ATP2C2: variants seen among roughly 807,000 people sequenced by gnomAD.
The protein encoded by ATP2C2 is ATPase secretory pathway Ca2+ transporting 2.
A neutral mutation model predicts 110.8 loss-of-function variants in ATP2C2; 171 were observed. The observed-to-expected ratio is 1.54, with a 90% CI of 1.36 to 1.75. ATP2C2 has a LOEUF of 1.75. ATP2C2 is among the 40% of genes most tolerant of loss of function. The probability of loss-of-function intolerance (pLI) is 0.00; values close to 1 mark genes in which losing one functional copy is unlikely to be tolerated. For synonymous variants in ATP2C2, 804 were observed against 508.4 expected (o/e 1.58, Z -7.82); for missense variants, 1,963 against 1,235.0 (o/e 1.59, Z -8.84).
chr16:84,451,937 T>C lies in ATP2C2; in HGVS notation c.1677T>C (p.Ser559=), dbSNP rs1300999032. ...SLGLRVLALA[S]GPELGRLTFL... is the part of the protein sequence containing the mutation. ...TCTCCTCAGTGCTGGCCCTGGCTTCTGGGCCCGAGCTGGGGCGGCTGACGT... is the reference window on the plus strand; with the variant it reads ...TCTCCTCAGTGCTGGCCCTGGCTTCCGGGCCCGAGCTGGGGCGGCTGACGT... Residue 559 remains serine (S), a synonymous_variant, in exon 18 of 27, where the codon TCT becomes TCC. Coordinates refer to ENST00000262429, the MANE Select transcript of ATP2C2 (RefSeq NM_014861.4). 1.9e-6 allele frequency: 3 copies of C among 1,613,968 alleles called. No individual in the cohort carries two copies. Among genetic ancestry groups the C allele is most frequent in the Non-Finnish European group, 2.5e-6 (3 of 1,179,976 alleles).
intron 1 of ATP2C2, among the ~76,000 whole-genome samples, chr16:84,389,694 G>A (rs961091181): frequency 2.0e-5 from 3 of 150,544 alleles, no homozygotes; most frequent in African/African-American, 7.3e-5. Context: ...TGGGCTCTGT[G>A]CTGGGAACTT....
chr16:84,405,069 C>T (rs62640934), intron 2 of ATP2C2, 59 bp from the exon 3 acceptor site: 2 of 1,397,722 alleles, frequency 1.4e-6, no homozygotes, highest in Non-Finnish European at 2.0e-6. Flanking sequence ...AGTCTGTACC[C>T]TGTTGCCTCA....
rs112135612 is a variant in ATP2C2 at position 84,376,600 on chromosome 16, C to G, written c.99+7886C>G. On this transcript the variant is annotated intron_variant, in intron 1 of 26. Coordinates refer to ENST00000262429, the MANE Select transcript of ATP2C2 (RefSeq NM_014861.4). ...AGTGTATTTTATGTGTGGCCCAAGA[C>G]AATTCTTCTTCCAATGTGGCCCAGG... 4.0e-3 allele frequency among the ~76,000 whole-genome samples: 612 copies of G among 151,584 alleles called. 8 individuals carry two copies. The highest frequency in any genetic ancestry group is 0.014 in the African/African-American group (583 of 41,284).
chr16:84,454,597 T>G (rs1039639889), intron 20 of ATP2C2, among the ~76,000 whole-genome samples: 1 of 152,144 alleles, frequency 6.6e-6, no homozygotes. Context: ...ACAACAGCCC[T>G]GGGAAGAAGA....
At chr16:84,396,216 C>A (rs549247700) in intron 1 of ATP2C2, among the ~76,000 whole-genome samples, 2 of 120,074 alleles carry the variant, frequency 1.7e-5, no homozygotes. Context: ...TGTTTTCAAG[C>A]ATCGGGCGTG....
At chr16:84,405,372 C>CTGGGG in intron 3 of ATP2C2, 128 bp downstream of exon 3, 1 of 748,334 alleles carries the variant, frequency 1.3e-6, no homozygotes, top group Non-Finnish European at 2.2e-6. Flanking sequence ...GCTGCCCCAG[C>CTGGGG]CAGCCTGAGC....
chr16:84,439,226 G>A lies in ATP2C2; in HGVS notation c.1047G>A (p.Leu349=). 6.2e-7 allele frequency: 1 copy of A among 1,612,330 alleles called. No homozygotes were observed. The highest frequency in any genetic ancestry group is 2.2e-5 in the East Asian group (1 of 44,880). Reference sequence around the variant, plus strand: ...TCGTCGTCATGGTGACGCTGGTCCTGGGAGTGCTGCGGATGGCCAAGAAGC... The same window carrying A: ...TCGTCGTCATGGTGACGCTGGTCCTAGGAGTGCTGCGGATGGCCAAGAAGC... ...LPIVVMVTLV[L]GVLRMAKKRV... is the part of the protein sequence containing the mutation. The change falls in exon 12 of 27, where the codon CTG becomes CTA. Residue 349 remains leucine (L), a synonymous_variant. Coordinates refer to ENST00000262429, the MANE Select transcript of ATP2C2 (RefSeq NM_014861.4).
At chr16:84,444,675 C>A (rs1909583503) in intron 15 of ATP2C2, among the ~76,000 whole-genome samples, 1 of 152,226 alleles carries the variant, frequency 6.6e-6, no homozygotes, top group Admixed American at 6.5e-5. Context: ...CCATGTGTCA[C>A]CTTGCTTCCG....
In ATP2C2 at chr16:84,439,479, A is replaced by T. The variant is rs1413631261; in HGVS notation, c.1164A>T (p.Glu388Asp). The change falls in exon 13 of 27, where the codon GAA becomes GAT. Residue 388 changes from glutamate to aspartate, a missense_variant. Transcript: ENST00000262429. ...SDKTGTLTANEMTVTQLVTSD... is the reference protein window; with the variant it reads ...SDKTGTLTANDMTVTQLVTSD... Reference sequence around the variant, plus strand: ...AGACGGGGACTCTGACTGCCAATGAAATGACAGTGACCCAGCTTGTAACGT... The same window carrying T: ...AGACGGGGACTCTGACTGCCAATGATATGACAGTGACCCAGCTTGTAACGT... 1.2e-6 allele frequency: 2 copies of T among 1,614,130 alleles called. No homozygotes were observed. Among genetic ancestry groups the T allele is most frequent in the Admixed American group, 3.3e-5 (2 of 60,012 alleles).
chr16:84,413,919 G>T (rs927747975), intron 6 of ATP2C2, among the ~76,000 whole-genome samples: 3 of 152,174 alleles, frequency 2.0e-5, no homozygotes, highest in African/African-American at 7.2e-5. Flanking sequence ...GGCCTTTGGG[G>T]ACCTCACATT....
intron 1 of ATP2C2, among the ~76,000 whole-genome samples, chr16:84,372,165 G>A (rs1456959375): frequency 1.3e-5 from 2 of 152,116 alleles, no homozygotes; most frequent in Admixed American, 6.5e-5. Flanking sequence ...GAGCAGTGGG[G>A]GATCGTTGAA....
In ATP2C2 at chr16:84,412,375, C is replaced by T. The variant is rs561528732; in HGVS notation, c.515+1610C>T. ...GCGTGCGTGTGTGCATGTGTGTGTG[C>T]GTGTGTGTATATGTGTCTGTGTGTG... On this transcript the variant is annotated intron_variant, in intron 6 of 26. Transcript: ENST00000262429. Among the ~76,000 whole-genome samples the T allele has an allele frequency of 7.6e-3, 611 of 79,940 alleles. 5 individuals are homozygous for T. Among genetic ancestry groups the T allele is most frequent in the Middle Eastern group, 0.016 (2 of 122 alleles). The allele number at this position is 79,940 out of a possible 152,430, so 52.4% of individuals were successfully genotyped here.
intron 7 of ATP2C2, among the ~76,000 whole-genome samples, chr16:84,419,290 T>A (rs1172171722): frequency 6.8e-6 from 1 of 147,164 alleles, no homozygotes; most frequent in South Asian, 2.2e-4. Flanking sequence ...AGCTGTTTCC[T>A]GGCCTTTCCC....
chr16:84,442,470 C>A (rs774822442), intron 14 of ATP2C2, 40 bp from the exon 15 acceptor site: 2 of 1,597,676 alleles, frequency 1.3e-6, no homozygotes, highest in South Asian at 2.2e-5. Context: ...TTTTCATGAG[C>A]CCAGTACTAA....
At chr16:84,388,959 A>G (rs1786496836) in intron 1 of ATP2C2, among the ~76,000 whole-genome samples, 1 of 152,010 alleles carries the variant, frequency 6.6e-6, no homozygotes, top group Admixed American at 6.6e-5. Context: ...TTTAGTAGAG[A>G]TGGGGTTTCA....
At chr16:84,377,600 C>G (rs948521524) in intron 1 of ATP2C2, among the ~76,000 whole-genome samples, 5 of 152,036 alleles carry the variant, frequency 3.3e-5, no homozygotes, top group Non-Finnish European at 5.9e-5. Context: ...TACTTGGACA[C>G]CAGTCGTATT....
intron 25 of ATP2C2, 23 bp from the exon 26 acceptor site, chr16:84,461,965 C>G: frequency 6.2e-7 from 1 of 1,611,524 alleles, no homozygotes; most frequent in Non-Finnish European, 8.5e-7. Context: ...CACACAATCC[C>G]CCGTGTGACC....
At chr16:84,426,004 C>T (rs998956873) in intron 11 of ATP2C2, 1 of 598,908 alleles carries the variant, frequency 1.7e-6, no homozygotes, top group African/African-American at 1.8e-5. Context: ...TGAATGACAG[C>T]AAATGATCCA....
intron 11 of ATP2C2, among the ~76,000 whole-genome samples, chr16:84,431,299 G>C (rs1224611166): frequency 6.6e-6 from 1 of 152,086 alleles, no homozygotes; most frequent in Non-Finnish European, 1.5e-5. Context: ...AGGAGTTCAA[G>C]AACAGCCTGG....
Sources: allele counts gnomAD v4.1 joint callset (sites outside exome capture counted in the v4.1 genomes callset), GRCh38; gene constraint gnomAD v4.1.1; transcripts MANE v1.5; gene names NCBI Gene and HGNC (gene_info 2026-07-23, HGNC 2026-07-21).